The following NCAM2 variants were observed in gnomAD, a reference collection of about 807,000 sequenced individuals.
NCAM2 encodes neural cell adhesion molecule 2.
In NCAM2, 30 loss-of-function variants were observed where a neutral mutation model predicts 98.1. The observed-to-expected ratio is 0.31, with a 90% CI of 0.23 to 0.41. The LOEUF is 0.41. Ranked by LOEUF, NCAM2 falls within the 10% of genes least tolerant of loss-of-function variation. NCAM2 has a pLI of 1.00. For synonymous variants in NCAM2, 368 were observed against 342.4 expected (o/e 1.07, Z -0.83); for missense variants, 867 against 1,005.8 (o/e 0.86, Z 1.87).
rs145354672 is a variant in NCAM2, at chr21:21,234,720, T to C, written c.56-45858T>C. On this transcript the variant is annotated intron_variant, in intron 1 of 17. Transcript: ENST00000400546. ...AACCCAAGCTTTTCCTCTGAGTTAA[T>C]GAGTGTCTGGAGCAGAGGGAGCTTT... Among the ~76,000 whole-genome samples, 254 of 152,050 alleles carry C rather than the reference T, an allele frequency of 1.7e-3. 1 individual carries two copies. The highest frequency in any genetic ancestry group is 5.5e-3 in the African/African-American group (230 of 41,538).
intron 1 of NCAM2, among the ~76,000 whole-genome samples, chr21:21,205,627 A>T (rs1268254445): frequency 6.6e-6 from 1 of 152,182 alleles, no homozygotes; most frequent in East Asian, 1.9e-4. Context: ...AATATCCAGG[A>T]TCTTTAATTT....
chr21:21,232,262 G>T (rs569176018), intron 1 of NCAM2, among the ~76,000 whole-genome samples: 5 of 151,614 alleles, frequency 3.3e-5, no homozygotes, highest in South Asian at 2.1e-4. Flanking sequence ...TGAAGAAAAT[G>T]TACATAATTT....
At chr21:21,398,841 T>C (rs2145862579) in intron 9 of NCAM2, among the ~76,000 whole-genome samples, 1 of 152,298 alleles carries the variant, frequency 6.6e-6, no homozygotes, top group Admixed American at 6.5e-5. Flanking sequence ...TGACACCCTA[T>C]TATAACCAAA....
At chr21:21,377,103 CA>C (rs1435831769) in intron 9 of NCAM2, among the ~76,000 whole-genome samples, 1 of 151,062 alleles carries the variant, frequency 6.6e-6, no homozygotes. Context: ...CCTTTTTTTC[CA>C]AAATGAAACA....
At chr21:21,156,317 C>T (rs2067608763) in intron 1 of NCAM2, among the ~76,000 whole-genome samples, 2 of 151,884 alleles carry the variant, frequency 1.3e-5, no homozygotes, top group African/African-American at 4.8e-5. Flanking sequence ...TTATTTTGGA[C>T]ACATTCAAAC....
At chr21:21,022,872 A>G (rs1430861644) in intron 1 of NCAM2, among the ~76,000 whole-genome samples, 5 of 152,194 alleles carry the variant, frequency 3.3e-5, no homozygotes, top group Non-Finnish European at 5.9e-5. Context: ...CAATAATTAA[A>G]TAACAAAAGC....
At chr21:21,093,048 G>A (rs975285937) in intron 1 of NCAM2, among the ~76,000 whole-genome samples, 2 of 151,656 alleles carry the variant, frequency 1.3e-5, no homozygotes, top group Non-Finnish European at 2.9e-5. Flanking sequence ...AAAGAGATCA[G>A]TAAATATAGG....
intron 15 of NCAM2, among the ~76,000 whole-genome samples, chr21:21,493,333 C>T (rs542448032): frequency 5.2e-4 from 79 of 151,908 alleles, no homozygotes; most frequent in African/African-American, 1.8e-3. Flanking sequence ...CATAGTAGCC[C>T]TTTCCATGCA....
Position 21,507,746 on chromosome 21 carries a change from C to A in NCAM2, c.2078-1105C>A, listed in dbSNP as rs192863985. Among the ~76,000 whole-genome samples the A allele has an allele frequency of 4.3e-4, 64 of 149,210 alleles. 2 individuals are homozygous for A. In the East Asian group the frequency reaches 0.013, roughly 30 times the overall value. ...TGGAGGTTACAGTGAGCCGAGATCG[C>A]CCCACTGCACTCCAGCCTGGTGACA... On this transcript the variant is annotated intron_variant, in intron 15 of 17. Transcript: ENST00000400546.
At chr21:21,290,840 A>G (rs1029856416) in intron 4 of NCAM2, among the ~76,000 whole-genome samples, 9 of 151,888 alleles carry the variant, frequency 5.9e-5, no homozygotes, top group African/African-American at 2.2e-4. Context: ...TTTGCCCCCA[A>G]ATTGGAGTGG....
chr21:21,509,137 G>A, intron 16 of NCAM2, 82 bp downstream of exon 16: 1 of 1,355,308 alleles, frequency 7.4e-7, no homozygotes, highest in Non-Finnish European at 1.0e-6. Flanking sequence ...GGCGTTGTAG[G>A]GTAAAGGAGT....
intron 1 of NCAM2, among the ~76,000 whole-genome samples, chr21:21,168,076 A>T (rs1419856994): frequency 1.3e-5 from 2 of 152,218 alleles, no homozygotes; most frequent in Non-Finnish European, 2.9e-5. Flanking sequence ...AGCAAATAGC[A>T]TCCAACAATA....
intron 12 of NCAM2, among the ~76,000 whole-genome samples, chr21:21,436,323 G>T (rs2826839): frequency 0.16 from 23,696 of 152,048 alleles, 1,872 homozygotes; most frequent in Middle Eastern, 0.18. Flanking sequence ...GACTGACTTA[G>T]GTCCTTTTAA....
At chr21:21,289,711 AAGG>A (rs1447330671) in intron 4 of NCAM2, among the ~76,000 whole-genome samples, 1 of 151,986 alleles carries the variant, frequency 6.6e-6, no homozygotes, top group Non-Finnish European at 1.5e-5. Flanking sequence ...GAAGCTGAAG[AAGG>A]AGGTCAAACC....
chr21:21,397,354 T>G (rs2076532450), intron 9 of NCAM2, among the ~76,000 whole-genome samples: 1 of 152,176 alleles, frequency 6.6e-6, no homozygotes, highest in Non-Finnish European at 1.5e-5. Context: ...CATCAACATG[T>G]TGTATATGGC....
At chr21:21,320,255 T>C (rs532712164) in intron 5 of NCAM2, among the ~76,000 whole-genome samples, 1 of 152,340 alleles carries the variant, frequency 6.6e-6, no homozygotes, top group African/African-American at 2.4e-5. Context: ...ACACTGAAGA[T>C]TGAAGACCAC....
Position 21,271,993 on chromosome 21 carries a change from T to G in NCAM2, c.56-8585T>G, listed in dbSNP as rs192182917. Among the ~76,000 whole-genome samples the G allele has an allele frequency of 1.7e-4, 26 of 152,258 alleles. No individual in the cohort carries two copies. In the East Asian group the frequency reaches 4.5e-3, roughly 26 times the overall value. On this transcript the variant is annotated intron_variant, in intron 1 of 17. Transcript: ENST00000400546. ...CACCAACATGGTGCATGTATACATA[T>G]GTAACAAACCTGCATGTTGTGCACA...
chr21:21,501,050 T>A (rs1416827995), intron 15 of NCAM2, among the ~76,000 whole-genome samples: 1 of 152,088 alleles, frequency 6.6e-6, no homozygotes, highest in Admixed American at 6.6e-5. Flanking sequence ...CTGCTTTGAT[T>A]GATTCTTTCT....
At chr21:21,471,554 A>G (rs1248254297) in intron 14 of NCAM2, among the ~76,000 whole-genome samples, 1 of 152,104 alleles carries the variant, frequency 6.6e-6, no homozygotes, top group Non-Finnish European at 1.5e-5. Flanking sequence ...GAATCTGGAA[A>G]ATAAGAAACA....
Sources: gnomAD v4.1 joint callset for allele counts (sites outside exome capture counted in the v4.1 genomes callset) on GRCh38, gnomAD v4.1.1 for gene constraint, MANE v1.5 for transcripts, NCBI Gene and HGNC (gene_info 2026-07-23, HGNC 2026-07-21) for gene names.